The following KAZN variants were observed in gnomAD, a reference collection of about 807,000 sequenced individuals.
KAZN encodes kazrin, periplakin interacting protein, also known as kazrin.
In KAZN, 40 loss-of-function variants were observed where a neutral mutation model predicts 87.4. That is an observed-to-expected ratio of 0.46 (90% CI 0.36 to 0.60). KAZN has a LOEUF of 0.60. KAZN is among the 20% of genes least tolerant of loss of function. The probability of loss-of-function intolerance (pLI) is 0.00; values close to 1 mark genes in which losing one functional copy is unlikely to be tolerated. For synonymous variants in KAZN, 466 were observed against 458.3 expected (o/e 1.02, Z -0.22); for missense variants, 898 against 1,073.9 (o/e 0.84, Z 2.29).
chr1:14,362,500 C>T (rs1290268214), intron 2 of KAZN, among the ~76,000 whole-genome samples: 2 of 152,180 alleles, frequency 1.3e-5, no homozygotes, highest in African/African-American at 4.8e-5. Context: ...CAGGTCCTGC[C>T]TATGCTCAAA....
chr1:14,408,541 G>A (rs990792131), intron 2 of KAZN, among the ~76,000 whole-genome samples: 1 of 116 alleles, frequency 8.6e-3, no homozygotes, highest in Non-Finnish European at 0.013. Context: ...GGCCTGGTCA[G>A]GTTCCTGGTG....
At chr1:14,136,643 G>A (rs1347329525) in intron 1 of KAZN, among the ~76,000 whole-genome samples, 4 of 152,136 alleles carry the variant, frequency 2.6e-5, no homozygotes, top group African/African-American at 9.7e-5. Flanking sequence ...AAGAAGAGTG[G>A]GAGATAACTA....
intron 2 of KAZN, among the ~76,000 whole-genome samples, chr1:14,383,825 T>TCCATATGGAAA (rs1411376364): frequency 1.3e-5 from 2 of 152,152 alleles, no homozygotes; most frequent in Non-Finnish European, 2.9e-5. Flanking sequence ...ATATGAACTT[T>TCCATATGGAAA]AAAGTAGTTT....
chr1:14,524,017 G>A lies in KAZN; in HGVS notation c.250-74966G>A, dbSNP rs575974767. ...GTTTTGTTTTGTTTTGTTTTGTTTTGTTTTGTTTTGTTTTGTTTTTATGAG... is the reference window on the plus strand; with the variant it reads ...GTTTTGTTTTGTTTTGTTTTGTTTTATTTTGTTTTGTTTTGTTTTTATGAG... On this transcript the variant is annotated intron_variant, in intron 2 of 16. Coordinates refer to the KAZN transcript ENST00000636203. 2.7e-5 allele frequency among the ~76,000 whole-genome samples: 4 copies of A among 150,428 alleles called. No homozygotes were observed. In the East Asian group the frequency reaches 7.7e-4, roughly 29 times the overall value.
chr1:14,529,070 G>A (rs1282654276), intron 2 of KAZN, among the ~76,000 whole-genome samples: 2 of 152,108 alleles, frequency 1.3e-5, no homozygotes, highest in African/African-American at 2.4e-5. Flanking sequence ...TTGGGAGGCC[G>A]AGGCGGGCAG....
intron 2 of KAZN, among the ~76,000 whole-genome samples, chr1:14,575,092 C>A (rs565801371): frequency 7.8e-4 from 118 of 152,124 alleles, no homozygotes; most frequent in African/African-American, 2.8e-3. Flanking sequence ...AGGCTTAATC[C>A]TAAAGATATT....
chr1:14,888,528 A>G (rs1654364121), intron 1 of KAZN, among the ~76,000 whole-genome samples: 1 of 152,146 alleles, frequency 6.6e-6, no homozygotes, highest in Admixed American at 6.5e-5. Context: ...CTTCGACCAG[A>G]TTTTACCCCT....
chr1:13,984,766 T>A (rs1293270488), intron 1 of KAZN, among the ~76,000 whole-genome samples: 1 of 152,164 alleles, frequency 6.6e-6, no homozygotes, highest in Non-Finnish European at 1.5e-5. Context: ...GCAATATATA[T>A]TTTTTTGGTA....
At chr1:13,923,440 G>A (rs1234099215) in intron 1 of KAZN, among the ~76,000 whole-genome samples, 1 of 151,958 alleles carries the variant, frequency 6.6e-6, no homozygotes, top group Non-Finnish European at 1.5e-5. Context: ...GGGCGTGGTG[G>A]CAGGTGCCTG....
intron 1 of KAZN, among the ~76,000 whole-genome samples, chr1:14,924,879 G>T (rs80291415): frequency 1.3e-5 from 2 of 152,224 alleles, no homozygotes; most frequent in African/African-American, 4.8e-5. Flanking sequence ...GTCTGCTGGG[G>T]GAAGCGTGGG....
intron 1 of KAZN, among the ~76,000 whole-genome samples, chr1:14,912,875 G>C (rs1216838235): frequency 6.6e-6 from 1 of 152,110 alleles, no homozygotes; most frequent in African/African-American, 2.4e-5. Flanking sequence ...TTTACCCTCG[G>C]TTTACTCCGT....
chr1:14,151,801 C>T (rs1249962508), intron 1 of KAZN, among the ~76,000 whole-genome samples: 2 of 152,324 alleles, frequency 1.3e-5, no homozygotes, highest in African/African-American at 4.8e-5. Context: ...CCTATCACAC[C>T]AGCTGCCCCA....
intron 3 of KAZN, among the ~76,000 whole-genome samples, 164 bp downstream of exon 3, chr1:15,035,049 A>AC (rs1672122646): frequency 6.6e-6 from 1 of 151,592 alleles, no homozygotes; most frequent in African/African-American, 2.4e-5. Flanking sequence ...AACCGGCACA[A>AC]CCCCCGGAGA....
At chr1:14,858,826 G>C (rs1173435047) in intron 1 of KAZN, among the ~76,000 whole-genome samples, 1 of 152,158 alleles carries the variant, frequency 6.6e-6, no homozygotes. Context: ...ACTCGCCAGT[G>C]AATATGCTGT....
chr1:14,238,599 C>T (rs578125077), intron 2 of KAZN, among the ~76,000 whole-genome samples: 9 of 152,366 alleles, frequency 5.9e-5, no homozygotes, highest in Non-Finnish European at 1.2e-4. Context: ...AAATTTAGCT[C>T]CTCTTGGCCA....
chr1:15,100,753 G>A (rs892704383), intron 10 of KAZN, among the ~76,000 whole-genome samples: 10 of 152,232 alleles, frequency 6.6e-5, no homozygotes, highest in African/African-American at 1.9e-4. Flanking sequence ...ACTCCAAGAT[G>A]AGCCACTGTG....
chr1:14,251,011 A>G (rs1437083699), intron 2 of KAZN, among the ~76,000 whole-genome samples: 1 of 152,248 alleles, frequency 6.6e-6, no homozygotes, highest in East Asian at 1.9e-4. Flanking sequence ...AACAAAAAAC[A>G]TGTTTCCCCT....
At chr1:14,383,850 A>G (rs1303925506) in intron 2 of KAZN, among the ~76,000 whole-genome samples, 9 of 152,096 alleles carry the variant, frequency 5.9e-5, no homozygotes, top group South Asian at 2.1e-4. Context: ...AATTCTGTGA[A>G]GAAAGTCATT....
intron 2 of KAZN, among the ~76,000 whole-genome samples, chr1:14,227,337 T>C (rs575769953): frequency 1.3e-5 from 2 of 152,196 alleles, no homozygotes; most frequent in East Asian, 3.9e-4. Flanking sequence ...GTTCTTCTCT[T>C]CCCCGTGATG....
Sources: gnomAD v4.1 joint callset for allele counts (sites outside exome capture counted in the v4.1 genomes callset) on GRCh38, gnomAD v4.1.1 for gene constraint, MANE v1.5 for transcripts, NCBI Gene and HGNC (gene_info 2026-07-23, HGNC 2026-07-21) for gene names.